DOCK2: variants seen among roughly 807,000 people sequenced by gnomAD.
The protein encoded by DOCK2 is dedicator of cytokinesis protein 2.
A neutral mutation model predicts 248.9 loss-of-function variants in DOCK2; 87 were observed. That is an observed-to-expected ratio of 0.35 (90% CI 0.29 to 0.42). The LOEUF (loss-of-function observed/expected upper bound fraction) is 0.42. Ranked by LOEUF, DOCK2 falls within the 10% of genes least tolerant of loss-of-function variation. The pLI, the probability that DOCK2 is intolerant of heterozygous loss-of-function variation, is 1.00. For synonymous variants in DOCK2, 805 were observed against 821.6 expected (o/e 0.98, Z 0.35); for missense variants, 1,747 against 2,300.2 (o/e 0.76, Z 4.92).
chr5:170,044,202 C>G (rs1756616103), intron 38 of DOCK2, among the ~76,000 whole-genome samples: 1 of 152,230 alleles, frequency 6.6e-6, no homozygotes. Flanking sequence ...ATAGACTCCT[C>G]TAAATTCCTC....
intron 25 of DOCK2, among the ~76,000 whole-genome samples, chr5:169,770,263 C>T (rs1476615480): frequency 6.6e-6 from 1 of 151,900 alleles, no homozygotes; most frequent in East Asian, 1.9e-4. Flanking sequence ...CTGCCTTTCC[C>T]CACCTAAGGT....
chr5:169,935,736 G>A (rs1775961593), intron 27 of DOCK2, among the ~76,000 whole-genome samples: 1 of 152,142 alleles, frequency 6.6e-6, no homozygotes, highest in Middle Eastern at 3.2e-3. Context: ...CTTAAAACTT[G>A]TCAAGTTGTG....
At chr5:169,717,992 G>T (rs1172668812) in intron 21 of DOCK2, among the ~76,000 whole-genome samples, 1 of 152,210 alleles carries the variant, frequency 6.6e-6, no homozygotes, top group Non-Finnish European at 1.5e-5. Context: ...AACCCTGGAG[G>T]TGGAGATTGC....
At chr5:169,792,039 G>T (rs1766370154) in intron 25 of DOCK2, among the ~76,000 whole-genome samples, 1 of 152,182 alleles carries the variant, frequency 6.6e-6, no homozygotes. Flanking sequence ...TGAGAGTCAT[G>T]AAACCATGGA....
chr5:169,653,550 C>T (rs899878478), intron 1 of DOCK2, among the ~76,000 whole-genome samples: 2 of 152,208 alleles, frequency 1.3e-5, no homozygotes, highest in Non-Finnish European at 2.9e-5. Context: ...AAATCTCCTA[C>T]ACAGGTTCCT....
chr5:169,718,928 A>G, intron 22 of DOCK2, 137 bp downstream of exon 22: 1 of 1,175,098 alleles, frequency 8.5e-7, no homozygotes, highest in Non-Finnish European at 1.2e-6. Flanking sequence ...AATCCAACCT[A>G]GAGAGTAATG....
At chr5:169,674,553 C>T in intron 6 of DOCK2, 108 bp downstream of exon 6, 7 of 1,511,896 alleles carry the variant, frequency 4.6e-6, no homozygotes, top group Non-Finnish European at 6.2e-6. Flanking sequence ...TTGTCACTTT[C>T]TGTTTGGGAG....
At chr5:170,017,136 G>A (rs2113819604) in intron 32 of DOCK2, among the ~76,000 whole-genome samples, 2 of 152,084 alleles carry the variant, frequency 1.3e-5, no homozygotes, top group African/African-American at 4.8e-5. Flanking sequence ...GCCTCATTTA[G>A]GTTGAAAGAA....
intron 22 of DOCK2, among the ~76,000 whole-genome samples, chr5:169,722,760 C>CT (rs1179618751): frequency 6.6e-6 from 1 of 152,134 alleles, no homozygotes; most frequent in Non-Finnish European, 1.5e-5. Flanking sequence ...AGCAAGGGTG[C>CT]TTTTTTCAAA....
intron 33 of DOCK2, among the ~76,000 whole-genome samples, chr5:170,019,325 G>C (rs1755643815): frequency 6.6e-6 from 1 of 152,140 alleles, no homozygotes; most frequent in Non-Finnish European, 1.5e-5. Context: ...GCAGTTTCTG[G>C]CTGTGTATTT....
intron 25 of DOCK2, among the ~76,000 whole-genome samples, chr5:169,779,949 C>T (rs1765604081): frequency 6.7e-6 from 1 of 148,452 alleles, no homozygotes; most frequent in African/African-American, 2.6e-5. Flanking sequence ...GTTGCATTTG[C>T]CCTCCCAGAG....
At chr5:169,945,741 G>A (rs1244180183) in intron 27 of DOCK2, among the ~76,000 whole-genome samples, 1 of 152,120 alleles carries the variant, frequency 6.6e-6, no homozygotes, top group African/African-American at 2.4e-5. Context: ...CAGAACACTT[G>A]CCTCTGGTTC....
intron 27 of DOCK2, among the ~76,000 whole-genome samples, chr5:169,886,177 C>A (rs889077509): frequency 6.6e-6 from 1 of 151,980 alleles, no homozygotes; most frequent in Non-Finnish European, 1.5e-5. Context: ...TTATTAGTGG[C>A]GTGAGAACAA....
intron 30 of DOCK2, 144 bp downstream of exon 30, chr5:169,996,308 G>T: frequency 1.3e-6 from 1 of 778,094 alleles, no homozygotes; most frequent in South Asian, 2.0e-5. Flanking sequence ...TTATGGCTGG[G>T]GAGAAAATTC....
chr5:169,958,187 C>T (rs1776944196), intron 27 of DOCK2, among the ~76,000 whole-genome samples: 1 of 151,650 alleles, frequency 6.6e-6, no homozygotes, highest in South Asian at 2.1e-4. Flanking sequence ...AAATGAGGGC[C>T]TGGCTAAATG....
At chr5:169,918,916 A>C (rs1775024967) in intron 27 of DOCK2, among the ~76,000 whole-genome samples, 1 of 152,186 alleles carries the variant, frequency 6.6e-6, no homozygotes, top group Non-Finnish European at 1.5e-5. Flanking sequence ...TCTCAAAAAA[A>C]TACAAACTAA....
At chr5:169,838,394 C>T (rs1769724929) in intron 26 of DOCK2, among the ~76,000 whole-genome samples, 1 of 152,280 alleles carries the variant, frequency 6.6e-6, no homozygotes, top group East Asian at 1.9e-4. Flanking sequence ...TAATGTTGCT[C>T]GTCTTGATGT....
intron 2 of DOCK2, 72 bp from the exon 3 acceptor site, chr5:169,669,216 A>AACAAC: frequency 6.2e-7 from 1 of 1,602,430 alleles, no homozygotes; most frequent in Non-Finnish European, 8.5e-7. Flanking sequence ...AACAAAACAA[A>AACAAC]ACAAAACAGA....
chr5:170,082,086 T>A lies in DOCK2; in HGVS notation c.5430+102T>A, dbSNP rs1309552806. 22 of 1,495,168 alleles carry A rather than the reference T, an allele frequency of 1.5e-5. No individual in the cohort carries two copies. The Admixed American group carries it at 3.0e-4, about 20-fold the overall frequency. The allele number at this position is 1,495,168 out of a possible 1,614,324, so 92.6% of individuals were successfully genotyped here. On this transcript the variant is annotated intron_variant, in intron 51 of 51. Transcript: ENST00000520908. Reference sequence around the variant, plus strand: ...TGGGGGGTTGTGTGTGCATATGTGGTCATTCCTAGGGAGGCATAGTCAGGA... The same window carrying A: ...TGGGGGGTTGTGTGTGCATATGTGGACATTCCTAGGGAGGCATAGTCAGGA...
Sources: allele counts gnomAD v4.1 joint callset (sites outside exome capture counted in the v4.1 genomes callset), GRCh38; gene constraint gnomAD v4.1.1; transcripts MANE v1.5; gene names NCBI Gene and HGNC (gene_info 2026-07-23, HGNC 2026-07-21).